Variants in CSMD2 observed in about 807,000 individuals in gnomAD.
CSMD2 encodes the protein CUB and Sushi multiple domains 2, also known as CUB and sushi domain-containing protein 2.
In CSMD2, 130 loss-of-function variants were observed where a neutral mutation model predicts 398.5. The ratio of observed to expected loss-of-function variants is 0.33; its 90% CI spans 0.28 to 0.38. The LOEUF is 0.38. Ranked by LOEUF, CSMD2 falls within the 10% of genes least tolerant of loss-of-function variation. CSMD2 has a pLI of 1.00. For missense variants in CSMD2, 3,829 were observed against 4,764.9 expected, an observed-to-expected ratio of 0.80 and a Z score of 5.78; for synonymous variants, 1,828 against 1,908.5, an observed-to-expected ratio of 0.96 and a Z score of 1.10.
At chr1:33,784,600 C>A (rs538338206) in intron 12 of CSMD2, among the ~76,000 whole-genome samples, 1 of 152,302 alleles carries the variant, frequency 6.6e-6, no homozygotes, top group Non-Finnish European at 1.5e-5. Flanking sequence ...CCTTACAGAG[C>A]CACCTCATTT....
chr1:34,013,004 C>T (rs779813283), intron 3 of CSMD2, among the ~76,000 whole-genome samples: 4 of 152,116 alleles, frequency 2.6e-5, no homozygotes, highest in Non-Finnish European at 5.9e-5. Context: ...AACGATTAGC[C>T]TTTAGGAAGA....
At position 33,825,693 on chromosome 1, in the gene CSMD2, T is replaced by TG; in HGVS notation, c.1111+3_1111+4insC. 6.2e-7 allele frequency: 1 copy of TG among 1,602,778 alleles called. No individual in the cohort carries two copies. The highest frequency in any genetic ancestry group is 8.5e-7 in the Non-Finnish European group (1 of 1,174,802). ...GGCAGGCGGGCTGGCGGGCGGACACTTACACACAGACGTCTTCTGGCTGTT... is the reference window on the plus strand; with the variant it reads ...GGCAGGCGGGCTGGCGGGCGGACACTGTACACACAGACGTCTTCTGGCTGTT... On this transcript the variant is annotated splice_donor_region_variant and intron_variant, in intron 7 of 70. Coordinates refer to ENST00000373381, the MANE Select transcript of CSMD2 (RefSeq NM_001281956.2).
At chr1:33,632,426 A>G (rs1199509202) in intron 32 of CSMD2, among the ~76,000 whole-genome samples, 1 of 152,154 alleles carries the variant, frequency 6.6e-6, no homozygotes, top group Non-Finnish European at 1.5e-5. Flanking sequence ...ATAAATAAGA[A>G]AATAAGTGCT....
chr1:33,578,822 C>T (rs922287676), intron 48 of CSMD2, among the ~76,000 whole-genome samples: 4 of 152,136 alleles, frequency 2.6e-5, no homozygotes, highest in Non-Finnish European at 4.4e-5. Context: ...GGTCCCCGGC[C>T]TCTTTCTTGG....
Position 34,130,873 on chromosome 1 carries a change from C to T in CSMD2, c.187+34038G>A, listed in dbSNP as rs145895844. Among the ~76,000 whole-genome samples, 142 of 152,162 alleles carry T rather than the reference C, an allele frequency of 9.3e-4. 2 individuals carry two copies. The East Asian group carries it at 0.023, about 24-fold the overall frequency. On this transcript the variant is annotated intron_variant, in intron 1 of 70. Coordinates refer to ENST00000373381, the MANE Select transcript of CSMD2 (RefSeq NM_001281956.2). ...GAAACCCGTCCCAGGTCCCCATCTC[C>T]GCACATCCACAGCTTGCTTCCTGGT... is the stretch of plus-strand genomic sequence containing the variant.
chr1:33,694,103 T>C (rs1348761899), intron 24 of CSMD2, among the ~76,000 whole-genome samples: 2 of 152,138 alleles, frequency 1.3e-5, no homozygotes, highest in African/African-American at 4.8e-5. Context: ...AATCAAGGCT[T>C]GCTACATGCT....
intron 25 of CSMD2, among the ~76,000 whole-genome samples, chr1:33,671,622 G>A (rs980447441): frequency 1.4e-4 from 21 of 152,148 alleles, no homozygotes; most frequent in African/African-American, 5.1e-4. Flanking sequence ...CCCTAGCTAA[G>A]GGTGGACCCA....
Position 33,658,056 on chromosome 1 carries a change from G to A in CSMD2, c.4337C>T (p.Ser1446Phe). Reference protein sequence around the residue: ...RSGDSWEAGDSTVFQCDPGYA... With the variant: ...RSGDSWEAGDFTVFQCDPGYA... Reference sequence around the variant, plus strand: ...GCCAGGGTCACACTGGAACACTGTGGAGTCGCCGGCTTCCCAACTGTCACC... The same window carrying A: ...GCCAGGGTCACACTGGAACACTGTGAAGTCGCCGGCTTCCCAACTGTCACC... The change falls in exon 27 of 71, where the codon TCC (serine) becomes TTC (phenylalanine). Residue 1446 changes from serine (S) to phenylalanine (F), a missense_variant. Around this residue, in one of 5 missense-constraint regions of CSMD2, gnomAD observed 2,001 missense variants for 2,567.1 expected, o/e 0.78. Transcript: ENST00000373381. 1 of 1,614,220 alleles carries A rather than the reference G, an allele frequency of 6.2e-7. No individual in the cohort carries two copies.
chr1:33,581,743 C>A (rs1302674970), intron 47 of CSMD2, among the ~76,000 whole-genome samples: 1 of 151,990 alleles, frequency 6.6e-6, no homozygotes, highest in Non-Finnish European at 1.5e-5. Flanking sequence ...TCTGAGATTG[C>A]ATCCCGAGGG....
At chr1:33,796,032 G>T (rs903173899) in intron 10 of CSMD2, among the ~76,000 whole-genome samples, 2 of 152,218 alleles carry the variant, frequency 1.3e-5, no homozygotes, top group Non-Finnish European at 2.9e-5. Flanking sequence ...TATTGATGTA[G>T]CATGAACATA....
chr1:33,716,488 A>T lies in CSMD2; in HGVS notation c.3015T>A (p.Thr1005=), dbSNP rs1171644465. 1 of 1,612,860 alleles carries T rather than the reference A, an allele frequency of 6.2e-7. No individual in the cohort carries two copies. Among genetic ancestry groups the T allele is most frequent in the Non-Finnish European group, 8.5e-7 (1 of 1,179,678 alleles). ...CACTTTCCAGGTGGAAGGTGTGGAAAGTGAAGAACACACCTGCCAAGAGAC... is the reference window on the plus strand; with the variant it reads ...CACTTTCCAGGTGGAAGGTGTGGAATGTGAAGAACACACCTGCCAAGAGAC... ...ETSHGKGVFF[T]FHTFHLESGH... Residue 1005 remains threonine, a synonymous_variant, in exon 20 of 71, where the codon ACT becomes ACA. Coordinates refer to ENST00000373381, the MANE Select transcript of CSMD2 (RefSeq NM_001281956.2).
At chr1:33,673,131 A>G (rs1644573227) in intron 25 of CSMD2, among the ~76,000 whole-genome samples, 1 of 152,242 alleles carries the variant, frequency 6.6e-6, no homozygotes, top group Non-Finnish European at 1.5e-5. Context: ...TGACGAGTTG[A>G]GAGAAGAAGG....
chr1:33,544,386 G>A (rs919656523), intron 57 of CSMD2, among the ~76,000 whole-genome samples: 1 of 151,832 alleles, frequency 6.6e-6, no homozygotes, highest in Non-Finnish European at 1.5e-5. Context: ...CAAAGTGCTG[G>A]GATTACAGGC....
At chr1:33,728,892 G>T (rs544205041) in intron 15 of CSMD2, among the ~76,000 whole-genome samples, 2 of 152,180 alleles carry the variant, frequency 1.3e-5, no homozygotes, top group Non-Finnish European at 2.9e-5. Context: ...AGTAAATTGT[G>T]TATGTGTATT....
At chr1:34,130,937 G>A (rs956104262) in intron 1 of CSMD2, among the ~76,000 whole-genome samples, 3 of 151,882 alleles carry the variant, frequency 2.0e-5, no homozygotes, top group Non-Finnish European at 4.4e-5. Flanking sequence ...CAGGAATCAA[G>A]AAAAAAATAT....
At chr1:34,104,953 A>C (rs1199233499) in intron 1 of CSMD2, among the ~76,000 whole-genome samples, 1 of 152,166 alleles carries the variant, frequency 6.6e-6, no homozygotes, top group East Asian at 1.9e-4. Context: ...CTTCCACTGC[A>C]ACCTTCTCAA....
intron 3 of CSMD2, among the ~76,000 whole-genome samples, chr1:33,981,795 G>A (rs753006481): frequency 3.9e-5 from 6 of 152,228 alleles, no homozygotes; most frequent in Non-Finnish European, 8.8e-5. Flanking sequence ...CTGGGACAAT[G>A]AGTCTGGAGC....
At chr1:33,796,731 G>C (rs1654994139) in intron 10 of CSMD2, among the ~76,000 whole-genome samples, 1 of 152,164 alleles carries the variant, frequency 6.6e-6, no homozygotes, top group African/African-American at 2.4e-5. Context: ...CTGCCTGCAG[G>C]GTTGGGCAGA....
chr1:33,723,155 G>C (rs1255276609), intron 19 of CSMD2, among the ~76,000 whole-genome samples: 1 of 152,102 alleles, frequency 6.6e-6, no homozygotes, highest in Non-Finnish European at 1.5e-5. Context: ...CATTAATTTA[G>C]CCCATAACAA....
Sources: gnomAD v4.1 joint callset for allele counts (sites outside exome capture counted in the v4.1 genomes callset) on GRCh38, gnomAD v4.1.1 for gene constraint, gnomAD v4.1.1 regional missense constraint, MANE v1.5 for transcripts, NCBI Gene and HGNC (gene_info 2026-07-23, HGNC 2026-07-21) for gene names.